Variants in TP63 observed in about 807,000 individuals in gnomAD.
TP63 encodes tumor protein p63, also known as tumor protein 63.
Under a neutral mutation model 82.8 loss-of-function variants are expected in TP63, and 17 were observed. The ratio of observed to expected loss-of-function variants is 0.21; its 90% CI spans 0.14 to 0.31. The LOEUF (loss-of-function observed/expected upper bound fraction) is 0.31, where lower values mean the gene tolerates loss of function less well. TP63 is among the 10% of genes least tolerant of loss of function. The pLI, the probability that TP63 is intolerant of heterozygous loss-of-function variation, is 1.00. For missense variants in TP63, 648 were observed against 895.3 expected (o/e 0.72, Z 3.52); for synonymous variants, 330 against 321.7 (o/e 1.03, Z -0.28).
the TP63 span, among the ~76,000 whole-genome samples, chr3:189,610,067 A>T: frequency 6.6e-6 from 1 of 152,168 alleles, no homozygotes; most frequent in Admixed American, 6.5e-5. Flanking sequence ...AGTAATAGCC[A>T]TTCTGACTGG....
chr3:189,682,553 A>AAAATAT (rs1716055397), intron 1 of TP63, among the ~76,000 whole-genome samples: 9 of 10,364 alleles, frequency 8.7e-4, no homozygotes, highest in African/African-American at 1.9e-3. Context: ...AAAAAAAAAA[A>AAAATAT]ATATATATAT....
At chr3:189,866,889 G>A in intron 6 of TP63, 92 bp downstream of exon 6, 2 of 1,017,306 alleles carry the variant, frequency 2.0e-6, no homozygotes, top group African/African-American at 1.6e-5. Context: ...GATGTTTCTA[G>A]CATCTATCAC....
At chr3:189,777,167 C>T (rs749562854) in intron 3 of TP63, among the ~76,000 whole-genome samples, 1 of 152,060 alleles carries the variant, frequency 6.6e-6, no homozygotes, top group Non-Finnish European at 1.5e-5. Flanking sequence ...ATTCCAGGCT[C>T]ACCTAACTCA....
chr3:189,642,048 G>A (rs530974168), intron 1 of TP63, among the ~76,000 whole-genome samples: 3 of 152,224 alleles, frequency 2.0e-5, no homozygotes, highest in Non-Finnish European at 4.4e-5. Flanking sequence ...CAAGAGGGCT[G>A]GGTAGTAAAT....
Position 189,894,259 on chromosome 3 carries a change from C to T in TP63, c.1800C>T (p.Gly600=), listed in dbSNP as rs2108873253. The part of the protein sequence containing the change: ...PEQFRHAIWK[G]ILDHRQLHEF... ...AATTTCGACATGCGATCTGGAAGGG[C>T]ATCCTGGACCACCGGCAGCTCCACG... The change falls in exon 14 of 14, where the codon GGC becomes GGT. Residue 600 remains glycine, a synonymous_variant. Transcript: ENST00000264731. 1 of 1,613,928 alleles carries T rather than the reference C, an allele frequency of 6.2e-7. No homozygotes were observed. The highest frequency in any genetic ancestry group is 8.5e-7 in the Non-Finnish European group (1 of 1,179,980).
At chr3:189,771,620 A>G (rs1439102033) in intron 3 of TP63, among the ~76,000 whole-genome samples, 1 of 150,640 alleles carries the variant, frequency 6.6e-6, no homozygotes, top group African/African-American at 2.5e-5. Flanking sequence ...ATAATGTGAC[A>G]GACTCTTTTT....
chr3:189,815,549 T>C (rs1728091607), intron 4 of TP63, among the ~76,000 whole-genome samples: 1 of 152,134 alleles, frequency 6.6e-6, no homozygotes, highest in Non-Finnish European at 1.5e-5. Flanking sequence ...AAATATTAAT[T>C]TTTAAAAGAG....
At chr3:189,857,799 C>G (rs1716474371) in intron 4 of TP63, among the ~76,000 whole-genome samples, 1 of 152,048 alleles carries the variant, frequency 6.6e-6, no homozygotes, top group Non-Finnish European at 1.5e-5. Flanking sequence ...CAATGAAATA[C>G]TACTTCATTT....
At chr3:189,812,837 G>A (rs1315416750) in intron 4 of TP63, among the ~76,000 whole-genome samples, 1 of 152,084 alleles carries the variant, frequency 6.6e-6, no homozygotes, top group Non-Finnish European at 1.5e-5. Context: ...TTGTACTAAA[G>A]GTACTCATTT....
Position 189,869,405 on chromosome 3 carries a change from C to T in TP63, c.1211C>T (p.Pro404Leu), listed in dbSNP as rs2108809779. The T allele has an allele frequency of 6.2e-7, 1 of 1,613,604 alleles. No individual in the cohort carries two copies. Among genetic ancestry groups the T allele is most frequent in the Non-Finnish European group, 8.5e-7 (1 of 1,179,714 alleles). ...RSPDDELLYL[P>L]VRGRETYEML... ...CCAGATGATGAACTGTTATACTTAC[C>T]AGTAGGTCTTCCTTGGGTGTTCATG... is the stretch of plus-strand genomic sequence containing the variant. Residue 404 changes from proline to leucine, a missense_variant and splice_region_variant, in exon 9 of 14, where the codon CCA (proline) becomes CTA (leucine). Physicochemically the swap from Pro to Leu is moderately conservative, Grantham distance 98. Coordinates refer to ENST00000264731, the MANE Select transcript of TP63 (RefSeq NM_003722.5).
At chr3:189,631,861 T>G (rs1380742005) in intron 1 of TP63, among the ~76,000 whole-genome samples, 1 of 152,146 alleles carries the variant, frequency 6.6e-6, no homozygotes, top group Non-Finnish European at 1.5e-5. Context: ...ATTTGCCTTG[T>G]TCAGCACCTA....
chr3:189,891,874 T>G (rs1721053685), intron 13 of TP63, among the ~76,000 whole-genome samples: 2 of 152,168 alleles, frequency 1.3e-5, no homozygotes, highest in Non-Finnish European at 2.9e-5. Flanking sequence ...CTGCCTCTGC[T>G]GCTACTTCTA....
At chr3:189,668,032 TA>T (rs1286971772) in intron 1 of TP63, among the ~76,000 whole-genome samples, 1 of 152,094 alleles carries the variant, frequency 6.6e-6, no homozygotes, top group Non-Finnish European at 1.5e-5. Flanking sequence ...TATTAAAGCG[TA>T]AAACTCAGCT....
chr3:189,641,901 G>A (rs1286747334), intron 1 of TP63, among the ~76,000 whole-genome samples: 3 of 152,066 alleles, frequency 2.0e-5, no homozygotes, highest in Non-Finnish European at 4.4e-5. Context: ...AATGATGCTT[G>A]GAGATAGCTA....
chr3:189,750,283 A>G (rs1419860884), intron 3 of TP63, among the ~76,000 whole-genome samples: 1 of 152,166 alleles, frequency 6.6e-6, no homozygotes, highest in African/African-American at 2.4e-5. Context: ...ATGGAAGTAG[A>G]GAGTAGAATG....
intron 1 of TP63, among the ~76,000 whole-genome samples, chr3:189,728,933 A>G (rs1001848537): frequency 1.8e-4 from 27 of 152,294 alleles, no homozygotes; most frequent in African/African-American, 5.8e-4. Flanking sequence ...GCCAAACCAT[A>G]TCAGCTAGCT....
intron 1 of TP63, among the ~76,000 whole-genome samples, chr3:189,722,777 ATG>A (rs1411240292): frequency 2.0e-5 from 3 of 152,354 alleles, no homozygotes; most frequent in Non-Finnish European, 4.4e-5. Flanking sequence ...AGCATGCAGT[ATG>A]TGTTATATTA....
chr3:189,600,486 A>G, the TP63 span, among the ~76,000 whole-genome samples: 10 of 152,220 alleles, frequency 6.6e-5, no homozygotes, highest in African/African-American at 2.4e-4. Flanking sequence ...CCTATGTAGC[A>G]GATAGAAAAA....
chr3:189,743,753 G>C (rs1232961689), intron 3 of TP63, among the ~76,000 whole-genome samples: 2 of 152,180 alleles, frequency 1.3e-5, no homozygotes, highest in Non-Finnish European at 2.9e-5. Context: ...CAACAGAGAA[G>C]TGACAGGAAG....
Sources: gnomAD v4.1 joint callset for allele counts (sites outside exome capture counted in the v4.1 genomes callset) on GRCh38, gnomAD v4.1.1 for gene constraint, MANE v1.5 for transcripts, NCBI Gene and HGNC (gene_info 2026-07-23, HGNC 2026-07-21) for gene names.